The following ULK4 variants were observed in gnomAD, a reference collection of about 807,000 sequenced individuals.
ULK4 encodes the protein unc-51 like kinase 4.
A neutral mutation model predicts 160.6 loss-of-function variants in ULK4; 133 were observed. The ratio of observed to expected loss-of-function variants is 0.83; its 90% CI spans 0.72 to 0.96. The LOEUF (loss-of-function observed/expected upper bound fraction) is 0.96. Ranked by LOEUF, ULK4 falls within the 40% of genes least tolerant of loss-of-function variation. The probability of loss-of-function intolerance (pLI) is 0.00; values close to 1 mark genes in which losing one functional copy is unlikely to be tolerated. For missense variants in ULK4, 1,580 were observed against 1,499.5 expected (o/e 1.05, Z -0.89); for synonymous variants, 534 against 539.8 (o/e 0.99, Z 0.15).
intron 35 of ULK4, among the ~76,000 whole-genome samples, chr3:41,384,382 G>C (rs979706483): frequency 1.3e-5 from 2 of 152,058 alleles, no homozygotes. Flanking sequence ...GCGAGCCTTG[G>C]TTGGAATGTG....
chr3:41,624,595 C>T (rs2033406110), intron 30 of ULK4, among the ~76,000 whole-genome samples: 1 of 152,008 alleles, frequency 6.6e-6, no homozygotes, highest in Non-Finnish European at 1.5e-5. Context: ...ATACAATATA[C>T]CATAACAATT....
chr3:41,891,996 A>T (rs1224012802), intron 16 of ULK4, among the ~76,000 whole-genome samples: 2 of 152,224 alleles, frequency 1.3e-5, no homozygotes, highest in East Asian at 1.9e-4. Flanking sequence ...GTTTTTAATT[A>T]AAAAATTTAT....
chr3:41,876,125 G>C (rs1414340195), intron 17 of ULK4, among the ~76,000 whole-genome samples: 1 of 152,062 alleles, frequency 6.6e-6, no homozygotes, highest in African/African-American at 2.4e-5. Context: ...AAACAGCCTG[G>C]ACTCTCCAAG....
Position 41,503,027 on chromosome 3 carries a change from G to GA in ULK4, c.3227-39775dup, listed in dbSNP as rs201015608. On this transcript the variant is annotated intron_variant, in intron 32 of 36. Transcript: ENST00000301831. The stretch of plus-strand genomic sequence containing the variant: ...ACAACTATTGATAAATTAGCCTAAG[G>GA]AAAAAAAAATGTACTTTAGATAGGC... Among the ~76,000 whole-genome samples, 286 of 149,712 alleles carry GA rather than the reference G, an allele frequency of 1.9e-3. 3 individuals carry two copies. Among genetic ancestry groups the GA allele is most frequent in the East Asian group, 5.9e-3 (30 of 5,102 alleles).
intron 34 of ULK4, among the ~76,000 whole-genome samples, chr3:41,421,970 G>T (rs1297971362): frequency 6.6e-6 from 1 of 151,886 alleles, no homozygotes; most frequent in Non-Finnish European, 1.5e-5. Context: ...CATATTAGAA[G>T]ATTTTTTTTT....
intron 17 of ULK4, among the ~76,000 whole-genome samples, chr3:41,847,442 T>G (rs2042096573): frequency 1.3e-5 from 2 of 152,336 alleles, no homozygotes; most frequent in African/African-American, 4.8e-5. Context: ...CATTTCCTAT[T>G]ATGGTCAGTG....
chr3:41,431,455 G>A (rs938971429), intron 34 of ULK4, among the ~76,000 whole-genome samples: 2 of 149,268 alleles, frequency 1.3e-5, no homozygotes, highest in African/African-American at 4.9e-5. Flanking sequence ...GGTAGGGGGT[G>A]TTTAACATAT....
At chr3:41,617,149 G>C (rs1331680793) in intron 30 of ULK4, among the ~76,000 whole-genome samples, 1 of 152,208 alleles carries the variant, frequency 6.6e-6, no homozygotes, top group African/African-American at 2.4e-5. Flanking sequence ...AGACCACCTG[G>C]GGGAAGGGGC....
At chr3:41,405,454 T>G (rs2082274149) in intron 34 of ULK4, among the ~76,000 whole-genome samples, 1 of 152,190 alleles carries the variant, frequency 6.6e-6, no homozygotes, top group South Asian at 2.1e-4. Flanking sequence ...GCATGTGTCT[T>G]TTTGGAAGAA....
intron 32 of ULK4, among the ~76,000 whole-genome samples, chr3:41,465,273 T>C (rs1349282118): frequency 6.6e-6 from 1 of 152,198 alleles, no homozygotes; most frequent in Non-Finnish European, 1.5e-5. Context: ...AAAATGTACC[T>C]TCATTACCCT....
intron 21 of ULK4, among the ~76,000 whole-genome samples, chr3:41,762,642 AG>A (rs1477523762): frequency 1.4e-5 from 2 of 147,820 alleles, no homozygotes; most frequent in Admixed American, 6.8e-5. Context: ...CAAGAGAGCC[AG>A]GAAGTGTTAC....
At chr3:41,945,084 C>T (rs539414829) in intron 2 of ULK4, among the ~76,000 whole-genome samples, 9 of 152,142 alleles carry the variant, frequency 5.9e-5, no homozygotes, top group Admixed American at 1.3e-4. Flanking sequence ...CAAAACCACA[C>T]CATAAAACTG....
At chr3:41,650,036 G>A (rs748420428) in intron 30 of ULK4, among the ~76,000 whole-genome samples, 5 of 151,928 alleles carry the variant, frequency 3.3e-5, no homozygotes, top group Non-Finnish European at 5.9e-5. Context: ...TCAACTTCTC[G>A]GGACAACCTG....
intron 34 of ULK4, among the ~76,000 whole-genome samples, chr3:41,422,848 A>G (rs549701620): frequency 6.6e-6 from 1 of 152,336 alleles, no homozygotes; most frequent in South Asian, 2.1e-4. Context: ...ATCTAATCAA[A>G]GGAAATTCAG....
At chr3:41,879,955 A>T (rs1378687488) in intron 17 of ULK4, among the ~76,000 whole-genome samples, 1 of 151,974 alleles carries the variant, frequency 6.6e-6, no homozygotes, top group Non-Finnish European at 1.5e-5. Flanking sequence ...CATCTCTACT[A>T]AAAATACAAA....
intron 35 of ULK4, among the ~76,000 whole-genome samples, chr3:41,254,127 A>AC (rs2078789060): frequency 6.6e-6 from 1 of 152,196 alleles, no homozygotes; most frequent in African/African-American, 2.4e-5. Context: ...GAACTGAGGA[A>AC]CCCCATCAAC....
intron 6 of ULK4, 122 bp downstream of exon 6, chr3:41,919,595 C>G: frequency 1.2e-6 from 1 of 800,924 alleles, no homozygotes; most frequent in Non-Finnish European, 2.0e-6. Context: ...GTACGAGACT[C>G]TGTCTCAAAA....
chr3:41,287,680 G>C (rs1448594440), intron 35 of ULK4, among the ~76,000 whole-genome samples: 1 of 152,106 alleles, frequency 6.6e-6, no homozygotes, highest in Non-Finnish European at 1.5e-5. Context: ...TGATTTCCCA[G>C]CTAGAGATTT....
In ULK4 at chr3:41,573,392, G is replaced by A. The variant is rs1431169133; in HGVS notation, c.3121-7262C>T. Among the ~76,000 whole-genome samples the A allele has an allele frequency of 9.9e-5, 15 of 152,222 alleles. 1 individual carries two copies. Among genetic ancestry groups the A allele is most frequent in the Admixed American group, 9.8e-4 (15 of 15,282 alleles). ...CGTAGACAGGGCATTCTATTTTACT[G>A]TGATATTTGACAAGGTAAATGCCAC... On this transcript the variant is annotated intron_variant, in intron 31 of 36. Transcript: ENST00000301831.
Sources: gnomAD v4.1 joint callset for allele counts (sites outside exome capture counted in the v4.1 genomes callset) on GRCh38, gnomAD v4.1.1 for gene constraint, MANE v1.5 for transcripts, NCBI Gene and HGNC (gene_info 2026-07-23, HGNC 2026-07-21) for gene names.